Variants in AGBL4 observed in about 807,000 individuals in gnomAD.
AGBL4 encodes AGBL carboxypeptidase 4, also known as cytosolic carboxypeptidase 6.
A neutral mutation model predicts 66.4 loss-of-function variants in AGBL4; 58 were observed. The observed-to-expected ratio is 0.87, with a 90% CI of 0.71 to 1.09. The LOEUF (loss-of-function observed/expected upper bound fraction) is 1.09, where lower values mean the gene tolerates loss of function less well. Among genes scored for constraint, AGBL4 ranks in the 50% least tolerant of loss-of-function variants. The probability of loss-of-function intolerance (pLI) is 0.00; values close to 1 mark genes in which losing one functional copy is unlikely to be tolerated. For missense variants in AGBL4, 579 were observed against 631.0 expected (o/e 0.92, Z 0.88); for synonymous variants, 234 against 222.9 (o/e 1.05, Z -0.44).
intron 8 of AGBL4, among the ~76,000 whole-genome samples, chr1:48,640,264 T>C (rs982061781): frequency 2.6e-5 from 4 of 152,226 alleles, no homozygotes; most frequent in Non-Finnish European, 5.9e-5. Flanking sequence ...GAGTTGGAGA[T>C]ACTCTTAAGT....
intron 2 of AGBL4, among the ~76,000 whole-genome samples, chr1:49,748,221 C>G (rs927785581): frequency 1.3e-5 from 2 of 152,048 alleles, no homozygotes; most frequent in Non-Finnish European, 2.9e-5. Flanking sequence ...CCCATATGTT[C>G]TCGTTGTTCA....
chr1:49,906,141 TG>T (rs994148826), intron 1 of AGBL4, among the ~76,000 whole-genome samples: 2 of 151,750 alleles, frequency 1.3e-5, no homozygotes, highest in African/African-American at 4.8e-5. Flanking sequence ...TGTGTGTGTG[TG>T]TGTGTGTGTA....
intron 3 of AGBL4, among the ~76,000 whole-genome samples, chr1:49,636,822 T>C (rs1645681916): frequency 6.6e-6 from 1 of 152,150 alleles, no homozygotes; most frequent in Non-Finnish European, 1.5e-5. Flanking sequence ...ATCAAACAGA[T>C]GCAACAGTTA....
chr1:49,410,360 A>T (rs1348149847), intron 3 of AGBL4, among the ~76,000 whole-genome samples: 1 of 152,204 alleles, frequency 6.6e-6, no homozygotes, highest in Non-Finnish European at 1.5e-5. Flanking sequence ...TTTAAAAACC[A>T]ACTACTGCTT....
chr1:49,423,488 G>A (rs750080256), intron 3 of AGBL4, among the ~76,000 whole-genome samples: 1 of 152,116 alleles, frequency 6.6e-6, no homozygotes, highest in Non-Finnish European at 1.5e-5. Flanking sequence ...TAGAAATCAA[G>A]TTGGTAGAAA....
At chr1:50,022,662 CA>C (rs1662538509) in intron 1 of AGBL4, among the ~76,000 whole-genome samples, 1 of 140,738 alleles carries the variant, frequency 7.1e-6, no homozygotes, top group Non-Finnish European at 1.5e-5. Flanking sequence ...ACACACACAC[CA>C]GGACCAAAGT....
intron 5 of AGBL4, among the ~76,000 whole-genome samples, chr1:48,872,061 A>T (rs1204069761): frequency 1.3e-5 from 2 of 152,152 alleles, no homozygotes; most frequent in Non-Finnish European, 2.9e-5. Flanking sequence ...GTCATTTTCC[A>T]AATTTCCAGA....
At chr1:49,345,533 C>T (rs1358095911) in intron 3 of AGBL4, among the ~76,000 whole-genome samples, 1 of 152,094 alleles carries the variant, frequency 6.6e-6, no homozygotes, top group Non-Finnish European at 1.5e-5. Context: ...CCTTGGACAA[C>T]TCATCTGTTC....
At chr1:48,672,524 G>T (rs1342344609) in intron 6 of AGBL4, among the ~76,000 whole-genome samples, 2 of 152,208 alleles carry the variant, frequency 1.3e-5, no homozygotes, top group Non-Finnish European at 2.9e-5. Flanking sequence ...TCACCTGAGG[G>T]TCTCACCAAC....
At chr1:49,578,327 C>G (rs754835998) in intron 3 of AGBL4, among the ~76,000 whole-genome samples, 14 of 152,118 alleles carry the variant, frequency 9.2e-5, no homozygotes, top group Admixed American at 2.6e-4. Flanking sequence ...AGGTCAATGG[C>G]AAACTACAAC....
At position 49,691,712 on chromosome 1, in the gene AGBL4, G is replaced by T. The variant is rs557339932; in HGVS notation, c.282+5601C>A. On this transcript the variant is annotated intron_variant, in intron 3 of 13. Coordinates refer to ENST00000371839, the MANE Select transcript of AGBL4 (RefSeq NM_032785.4). ...GGAGATTAACATTTGAGTCAGTTGG[G>T]CTGGGAAAGGCAGACCCACCCTTAA... is the stretch of plus-strand genomic sequence containing the variant. Among the ~76,000 whole-genome samples, 7 of 152,164 alleles carry T rather than the reference G, an allele frequency of 4.6e-5. 1 individual carries two copies. In the South Asian group the frequency reaches 1.5e-3, roughly 32 times the overall value.
intron 6 of AGBL4, among the ~76,000 whole-genome samples, chr1:48,842,312 T>A (rs563509715): frequency 1.3e-5 from 2 of 152,250 alleles, no homozygotes; most frequent in South Asian, 2.1e-4. Context: ...CTGAAGATGA[T>A]CTCACCAAGT....
At chr1:49,107,908 T>C (rs571911013) in intron 4 of AGBL4, among the ~76,000 whole-genome samples, 9 of 152,202 alleles carry the variant, frequency 5.9e-5, no homozygotes, top group East Asian at 3.9e-4. Context: ...CTGGGAGAGA[T>C]TGGAAGGGAT....
chr1:49,912,408 G>A (rs1391533078), intron 1 of AGBL4, among the ~76,000 whole-genome samples: 1 of 152,206 alleles, frequency 6.6e-6, no homozygotes, highest in Non-Finnish European at 1.5e-5. Context: ...TGAGAACGCA[G>A]TAATAAGAAA....
intron 3 of AGBL4, among the ~76,000 whole-genome samples, chr1:49,252,838 C>A (rs1429392191): frequency 6.6e-6 from 1 of 152,106 alleles, no homozygotes; most frequent in Non-Finnish European, 1.5e-5. Context: ...AAATAAGATC[C>A]TTTTCAGACA....
chr1:49,828,962 G>A (rs369435025), intron 2 of AGBL4, among the ~76,000 whole-genome samples: 9 of 152,054 alleles, frequency 5.9e-5, no homozygotes, highest in African/African-American at 1.4e-4. Flanking sequence ...CCAGCTACTC[G>A]GGAGGCTGAG....
intron 1 of AGBL4, among the ~76,000 whole-genome samples, chr1:49,934,547 T>G (rs1653725835): frequency 6.6e-6 from 1 of 152,198 alleles, no homozygotes; most frequent in Non-Finnish European, 1.5e-5. Flanking sequence ...AGCTGCATGC[T>G]TCTGAACAAC....
chr1:49,260,925 C>T (rs1352280325), intron 3 of AGBL4, among the ~76,000 whole-genome samples: 1 of 148,798 alleles, frequency 6.7e-6, no homozygotes, highest in African/African-American at 2.5e-5. Flanking sequence ...TACTGGCAAA[C>T]CGAATTCAGC....
At chr1:49,979,231 G>A (rs1385182219) in intron 1 of AGBL4, among the ~76,000 whole-genome samples, 1 of 152,006 alleles carries the variant, frequency 6.6e-6, no homozygotes, top group Admixed American at 6.6e-5. Context: ...GGAGGCCGAG[G>A]CGGGTGGATC....
Sources: gnomAD v4.1 joint callset for allele counts (sites outside exome capture counted in the v4.1 genomes callset) on GRCh38, gnomAD v4.1.1 for gene constraint, MANE v1.5 for transcripts, NCBI Gene and HGNC (gene_info 2026-07-23, HGNC 2026-07-21) for gene names.